Variants in SCP2 observed in about 807,000 individuals in gnomAD.
SCP2 encodes the protein SCP-2/3-oxoacyl-CoA thiolase.
Under a neutral mutation model 71.4 loss-of-function variants are expected in SCP2, and 48 were observed. That is an observed-to-expected ratio of 0.67 (90% confidence interval 0.53 to 0.86). SCP2 has a LOEUF of 0.86. Among genes scored for constraint, SCP2 ranks in the 40% least tolerant of loss-of-function variants. The pLI is 0.00. For synonymous variants in SCP2, 220 were observed against 218.1 expected (o/e 1.01, Z -0.08); for missense variants, 560 against 655.6 (o/e 0.85, Z 1.59).
chr1:52,973,525 C>A (rs1052030935), intron 6 of SCP2, among the ~76,000 whole-genome samples: 1 of 152,166 alleles, frequency 6.6e-6, no homozygotes, highest in African/African-American at 2.4e-5. Flanking sequence ...AAAGATAACA[C>A]ATAATTTGAC....
chr1:53,033,971 G>T (rs1211514169), intron 13 of SCP2, among the ~76,000 whole-genome samples: 2 of 152,036 alleles, frequency 1.3e-5, no homozygotes, highest in Non-Finnish European at 2.9e-5. Context: ...GCTGTAGAAA[G>T]GATTGAAGGA....
intron 2 of SCP2, among the ~76,000 whole-genome samples, chr1:52,946,438 A>G (rs2150119533): frequency 7.1e-6 from 1 of 141,416 alleles, no homozygotes; most frequent in East Asian, 2.2e-4. Context: ...TGGTCTCAAA[A>G]CTCCTGGGCT....
chr1:52,972,670 C>T (rs955822081), intron 6 of SCP2, among the ~76,000 whole-genome samples: 3 of 152,150 alleles, frequency 2.0e-5, no homozygotes, highest in Non-Finnish European at 4.4e-5. Context: ...ATGTTGAACC[C>T]AAATCTCTCA....
intron 1 of SCP2, chr1:52,928,553 GGTGGATCACC>G (rs1652764639): frequency 6.6e-6 from 1 of 152,324 alleles, no homozygotes; most frequent in Admixed American, 6.5e-5. Context: ...GGCCAAGGCG[GGTGGATCACC>G]TGAGGTCAAG....
chr1:52,940,995 C>T (rs982295602), intron 1 of SCP2, among the ~76,000 whole-genome samples: 7 of 152,150 alleles, frequency 4.6e-5, no homozygotes, highest in Non-Finnish European at 5.9e-5. Context: ...GTGATCCTCC[C>T]GCCTCGGCCT....
chr1:53,036,599 T>C (rs1257498494), intron 13 of SCP2, among the ~76,000 whole-genome samples: 1 of 149,684 alleles, frequency 6.7e-6, no homozygotes, highest in Non-Finnish European at 1.5e-5. Context: ...TGGGATCATA[T>C]TGTTTTGTAA....
chr1:52,964,337 G>GAGGCT (rs1016687487), intron 6 of SCP2, among the ~76,000 whole-genome samples: 1 of 151,316 alleles, frequency 6.6e-6, no homozygotes, highest in African/African-American at 2.4e-5. Flanking sequence ...GAGTAGCTGG[G>GAGGCT]ACTATAGGCA....
Position 52,927,773 on chromosome 1 carries a change from G to A in SCP2, c.69+308G>A, listed in dbSNP as rs376021004. ...GGTGTGTGGGCTGGCTTGCCCCGGAGGGAGGCAGGTCGCGAATGCCGCCTG... is the reference window on the plus strand; with the variant it reads ...GGTGTGTGGGCTGGCTTGCCCCGGAAGGAGGCAGGTCGCGAATGCCGCCTG... On this transcript the variant is annotated intron_variant, in intron 1 of 15. Coordinates refer to ENST00000371514, the MANE Select transcript of SCP2 (RefSeq NM_002979.5). Among the ~76,000 whole-genome samples the A allele has an allele frequency of 9.9e-5, 15 of 152,230 alleles. 1 individual carries two copies. The highest frequency in any genetic ancestry group is 3.6e-4 in the African/African-American group (15 of 41,536).
intron 12 of SCP2, among the ~76,000 whole-genome samples, chr1:53,015,954 C>G (rs546902048): frequency 6.6e-6 from 1 of 152,266 alleles, no homozygotes; most frequent in Non-Finnish European, 1.5e-5. Flanking sequence ...AATTGGCTCC[C>G]TTTTTTCTTT....
chr1:52,948,182 A>G (rs1379609097), intron 3 of SCP2, 102 bp downstream of exon 3: 2 of 792,384 alleles, frequency 2.5e-6, no homozygotes, highest in Non-Finnish European at 2.3e-6. Flanking sequence ...TCAAAAACTC[A>G]GAATTCATTC....
chr1:52,955,140 T>G (rs1467073017), intron 5 of SCP2, among the ~76,000 whole-genome samples: 1 of 152,230 alleles, frequency 6.6e-6, no homozygotes, highest in Non-Finnish European at 1.5e-5. Flanking sequence ...CAAGCCAAGT[T>G]TTTTGAGCCA....
rs548699979 is a variant in SCP2 at position 53,014,112 on chromosome 1, A to G, written c.1082-778A>G. Among the ~76,000 whole-genome samples, 30 of 142,044 alleles carry G rather than the reference A, an allele frequency of 2.1e-4. No individual in the cohort carries two copies. In the South Asian group the frequency reaches 4.7e-3, roughly 22 times the overall value. The allele number at this position is 142,044 out of a possible 152,430, so 93.2% of individuals were successfully genotyped here. ...AGTAGAGACGGGGTTTCACCGTGTTAGCCAGGATGGTCTTGATCTCCTGAC... is the reference window on the plus strand; with the variant it reads ...AGTAGAGACGGGGTTTCACCGTGTTGGCCAGGATGGTCTTGATCTCCTGAC... On this transcript the variant is annotated intron_variant, in intron 11 of 15. Coordinates refer to ENST00000371514, the MANE Select transcript of SCP2 (RefSeq NM_002979.5).
intron 6 of SCP2, among the ~76,000 whole-genome samples, chr1:52,970,810 C>T (rs886929504): frequency 5.3e-5 from 8 of 150,722 alleles, no homozygotes; most frequent in African/African-American, 1.9e-4. Flanking sequence ...GGGATTTGGT[C>T]TTATATATTT....
chr1:53,044,335 G>C (rs1172770267), intron 14 of SCP2, among the ~76,000 whole-genome samples: 2 of 152,178 alleles, frequency 1.3e-5, no homozygotes. Context: ...TGGGATTACA[G>C]GTGTGAGCCA....
Position 53,039,063 on chromosome 1 carries a change from C to T in SCP2, c.1468+17C>T, listed in dbSNP as rs79342751. 1 of 1,613,928 alleles carries T rather than the reference C, an allele frequency of 6.2e-7. No individual in the cohort carries two copies. Among genetic ancestry groups the T allele is most frequent in the African/African-American group, 1.3e-5 (1 of 74,916 alleles). On this transcript the variant is annotated intron_variant, in intron 14 of 15. Transcript: ENST00000371514. Reference sequence around the variant, plus strand: ...CTAACTCAGGTTAGTTTGGGAATGACTTCATTCTAGGAGCACTGACGAGTT... The same window carrying T: ...CTAACTCAGGTTAGTTTGGGAATGATTTCATTCTAGGAGCACTGACGAGTT...
intron 11 of SCP2, among the ~76,000 whole-genome samples, chr1:53,011,641 A>G (rs923346167): frequency 2.0e-5 from 3 of 152,226 alleles, no homozygotes; most frequent in African/African-American, 4.8e-5. Flanking sequence ...TGCATTTGGC[A>G]TCTGAAGTAT....
intron 7 of SCP2, among the ~76,000 whole-genome samples, chr1:52,976,196 CATGTCCAGATTTTTTACTGGGGCTTCATT>C (rs1422368282): frequency 6.6e-6 from 1 of 152,154 alleles, no homozygotes; most frequent in Non-Finnish European, 1.5e-5. Context: ...CGCTGAACAC[CATGTCCAGATTTTTTACTGGGGCTTCATT>C]ATGTCAGCAT....
intron 13 of SCP2, among the ~76,000 whole-genome samples, chr1:53,030,251 C>T (rs1380164451): frequency 6.6e-6 from 1 of 152,126 alleles, no homozygotes; most frequent in African/African-American, 2.4e-5. Flanking sequence ...TAAGTAGCTT[C>T]CTGTGATGAA....
intron 2 of SCP2, among the ~76,000 whole-genome samples, chr1:52,945,210 A>G (rs1388645510): frequency 2.0e-5 from 3 of 152,038 alleles, no homozygotes; most frequent in Non-Finnish European, 4.4e-5. Context: ...ATTTTTAAGG[A>G]CAACATCTCA....
Sources: gnomAD v4.1 joint callset for allele counts (sites outside exome capture counted in the v4.1 genomes callset) on GRCh38, gnomAD v4.1.1 for gene constraint, MANE v1.5 for transcripts, NCBI Gene and HGNC (gene_info 2026-07-23, HGNC 2026-07-21) for gene names.